Variants in L3MBTL4 observed in about 807,000 individuals in gnomAD.
L3MBTL4 encodes lethal(3)malignant brain tumor-like protein 4.
Under a neutral mutation model 84.5 loss-of-function variants are expected in L3MBTL4, and 70 were observed. The ratio of observed to expected loss-of-function variants is 0.83; its 90% CI spans 0.68 to 1.01. The LOEUF is 1.01. L3MBTL4 is among the 50% of genes least tolerant of loss of function. The pLI is 0.00. For missense variants in L3MBTL4, 715 were observed against 754.8 expected (o/e 0.95, Z 0.62); for synonymous variants, 274 against 259.8 (o/e 1.05, Z -0.52).
chr18:6,110,839 G>C (rs2059173407), intron 14 of L3MBTL4, among the ~76,000 whole-genome samples: 1 of 152,084 alleles, frequency 6.6e-6, no homozygotes, highest in African/African-American at 2.4e-5. Flanking sequence ...GGTAAGAGAG[G>C]AGGAAAGTGC....
At chr18:6,332,439 A>G (rs1257370878) in intron 1 of L3MBTL4, among the ~76,000 whole-genome samples, 2 of 152,194 alleles carry the variant, frequency 1.3e-5, no homozygotes, top group Admixed American at 6.5e-5. Context: ...GCTGAGTCAC[A>G]TGGTTCCAGG....
intron 13 of L3MBTL4, among the ~76,000 whole-genome samples, chr18:6,162,155 C>T (rs973451795): frequency 6.6e-6 from 1 of 151,998 alleles, no homozygotes; most frequent in African/African-American, 2.4e-5. Flanking sequence ...TATAATATCA[C>T]TGGTAGACAA....
intron 4 of L3MBTL4, among the ~76,000 whole-genome samples, chr18:6,268,058 C>T (rs774417708): frequency 3.3e-5 from 5 of 152,168 alleles, no homozygotes; most frequent in Admixed American, 6.5e-5. Context: ...GGGAAACTGT[C>T]GTGGTATTTT....
intron 16 of L3MBTL4, among the ~76,000 whole-genome samples, chr18:6,073,811 TG>T (rs2057768860): frequency 1.3e-5 from 2 of 152,230 alleles, no homozygotes; most frequent in Non-Finnish European, 2.9e-5. Flanking sequence ...TTAATTAGTA[TG>T]CTGTGGTTTA....
intron 16 of L3MBTL4, among the ~76,000 whole-genome samples, chr18:6,052,001 G>A (rs918516190): frequency 3.9e-5 from 6 of 152,168 alleles, no homozygotes; most frequent in Non-Finnish European, 8.8e-5. Context: ...TTGATGGTGC[G>A]TCTTTGGCTA....
At chr18:6,171,200 A>G (rs1316670398) in intron 13 of L3MBTL4, among the ~76,000 whole-genome samples, 2 of 152,218 alleles carry the variant, frequency 1.3e-5, no homozygotes, top group African/African-American at 4.8e-5. Context: ...ATGAGAATGG[A>G]GAACACTTGC....
chr18:6,156,178 G>A (rs1329926728), intron 13 of L3MBTL4, among the ~76,000 whole-genome samples: 1 of 152,142 alleles, frequency 6.6e-6, no homozygotes, highest in African/African-American at 2.4e-5. Flanking sequence ...GCATGAAGTA[G>A]CCAAAATAGC....
intron 5 of L3MBTL4, among the ~76,000 whole-genome samples, chr18:6,258,437 G>A (rs960386774): frequency 6.6e-6 from 1 of 152,166 alleles, no homozygotes; most frequent in Non-Finnish European, 1.5e-5. Flanking sequence ...ATGGGGAGAG[G>A]ATAGCAGGGA....
In L3MBTL4 at chr18:6,206,966, CA is replaced by C. The variant is rs531325414; in HGVS notation, c.981+6182del. ...TAATAAATTCATCTAATAGTCTAAC[CA>C]GTACAGTATCTCTTAAGACAGGGGT... On this transcript the variant is annotated intron_variant, in intron 12 of 18. Transcript: ENST00000317931. Among the ~76,000 whole-genome samples, 80 of 152,172 alleles carry C rather than the reference CA, an allele frequency of 5.3e-4. 1 individual carries two copies. Among genetic ancestry groups the C allele is most frequent in the African/African-American group, 1.7e-3 (69 of 41,508 alleles).
chr18:6,272,581 T>G (rs1223443060), intron 4 of L3MBTL4, among the ~76,000 whole-genome samples: 2 of 60,090 alleles, frequency 3.3e-5, no homozygotes, highest in Non-Finnish European at 8.3e-5. Context: ...ACAGCCCCAC[T>G]GCATTAAACT....
intron 10 of L3MBTL4, among the ~76,000 whole-genome samples, chr18:6,218,133 G>A (rs1448504021): frequency 6.6e-6 from 1 of 151,974 alleles, no homozygotes; most frequent in Middle Eastern, 3.2e-3. Flanking sequence ...CAAGAGATGA[G>A]GTTTCTCTAG....
intron 14 of L3MBTL4, among the ~76,000 whole-genome samples, chr18:6,099,585 A>AATATATATATATATATATATATATAT (rs36091567): frequency 0.015 from 951 of 64,424 alleles, 126 homozygotes; most frequent in East Asian, 0.023. Context: ...AGATAATGTA[A>AATATATATATATATATATATATATAT]ATATATATAT....
At chr18:5,987,118 G>A (rs1369753262) in intron 16 of L3MBTL4, among the ~76,000 whole-genome samples, 1 of 152,180 alleles carries the variant, frequency 6.6e-6, no homozygotes, top group Non-Finnish European at 1.5e-5. Flanking sequence ...AGCCTACAGC[G>A]ACCTCAAGGA....
chr18:6,134,720 G>A (rs966968865), intron 14 of L3MBTL4, among the ~76,000 whole-genome samples: 2 of 152,140 alleles, frequency 1.3e-5, no homozygotes, highest in Non-Finnish European at 2.9e-5. Flanking sequence ...TATGGTCTTG[G>A]GCAGCTCCAC....
chr18:6,236,263 G>A (rs980637820), intron 10 of L3MBTL4, among the ~76,000 whole-genome samples: 3 of 152,132 alleles, frequency 2.0e-5, no homozygotes, highest in African/African-American at 7.2e-5. Context: ...AAAGAACTGA[G>A]GGACCTGAAA....
chr18:6,095,568 T>G (rs2058612406), intron 14 of L3MBTL4, among the ~76,000 whole-genome samples: 1 of 152,092 alleles, frequency 6.6e-6, no homozygotes, highest in African/African-American at 2.4e-5. Flanking sequence ...GCCAGGACGG[T>G]CTCGATCTCC....
At chr18:6,056,586 A>G (rs2057031863) in intron 16 of L3MBTL4, among the ~76,000 whole-genome samples, 1 of 152,138 alleles carries the variant, frequency 6.6e-6, no homozygotes, top group South Asian at 2.1e-4. Context: ...AAGGCTCTCT[A>G]TGCGACAGGC....
intron 14 of L3MBTL4, among the ~76,000 whole-genome samples, chr18:6,128,053 T>C (rs2059759523): frequency 7.0e-6 from 1 of 143,238 alleles, no homozygotes; most frequent in African/African-American, 2.7e-5. Flanking sequence ...GAAGAGTCAA[T>C]GCAGGGAGCA....
chr18:6,008,062 C>A (rs191667032), intron 16 of L3MBTL4, among the ~76,000 whole-genome samples: 1 of 152,292 alleles, frequency 6.6e-6, no homozygotes, highest in East Asian at 1.9e-4. Context: ...TTTTGCTTTA[C>A]CAGAGGATCT....
Sources: gnomAD v4.1 joint callset for allele counts (sites outside exome capture counted in the v4.1 genomes callset) on GRCh38, gnomAD v4.1.1 for gene constraint, MANE v1.5 for transcripts, NCBI Gene and HGNC (gene_info 2026-07-23, HGNC 2026-07-21) for gene names.